The following RFX6 variants were observed in gnomAD, a reference collection of about 807,000 sequenced individuals.
The protein encoded by RFX6 is DNA-binding protein RFX6.
RFX6 carries 50 observed loss-of-function variants against 110.8 expected under a neutral mutation model. The ratio of observed to expected loss-of-function variants is 0.45; its 90% confidence interval spans 0.36 to 0.57. RFX6 has a LOEUF of 0.57. Ranked by LOEUF, RFX6 falls within the 20% of genes least tolerant of loss-of-function variation. The pLI, the probability that RFX6 is intolerant of heterozygous loss-of-function variation, is 0.00. For synonymous variants in RFX6, 383 were observed against 411.2 expected (o/e 0.93, Z 0.83); for missense variants, 990 against 1,127.0 (o/e 0.88, Z 1.74).
rs968356948 is a variant in RFX6, at chr6:116,925,339, G to A, written c.1679-114G>A. ...TTCCCATGGGAAACATTGCTTAGTA[G>A]TTTCCAGATTAAATACTCAACAATG... On this transcript the variant is annotated intron_variant, in intron 15 of 18. Transcript: ENST00000332958. 11 of 945,180 alleles carry A rather than the reference G, an allele frequency of 1.2e-5. No individual in the cohort carries two copies. In the Admixed American group the frequency reaches 1.9e-4, roughly 16 times the overall value. The allele number at this position is 945,180 out of a possible 1,614,324, so 58.5% of individuals were successfully genotyped here. A position where few individuals can be genotyped will look rare whatever the true frequency, so the allele number is the denominator to read the frequency against.
chr6:116,883,067 C>T (rs1774625484), intron 4 of RFX6, among the ~76,000 whole-genome samples: 1 of 152,086 alleles, frequency 6.6e-6, no homozygotes, highest in Non-Finnish European at 1.5e-5. Flanking sequence ...TTTCCTTCTG[C>T]CTATGAGCAT....
intron 12 of RFX6, among the ~76,000 whole-genome samples, chr6:116,921,633 C>T (rs1292312099): frequency 6.6e-6 from 1 of 151,550 alleles, no homozygotes; most frequent in African/African-American, 2.4e-5. Context: ...GCCTGGGCAA[C>T]ACAGCAAGAC....
chr6:116,928,887 A>G lies in RFX6; in HGVS notation c.2527A>G (p.Ile843Val), dbSNP rs1375609726. The G allele has an allele frequency of 6.2e-7, 1 of 1,613,766 alleles. No homozygotes were observed. Among genetic ancestry groups the G allele is most frequent in the Admixed American group, 1.7e-5 (1 of 60,016 alleles). ...CAGTGACATCCACGATCCACTTAACATTTTAGATGACAGTGGTAGAAAACA... is the reference window on the plus strand; with the variant it reads ...CAGTGACATCCACGATCCACTTAACGTTTTAGATGACAGTGGTAGAAAACA... ...PYSDIHDPLNILDDSGRKQTS... is the reference protein window; with the variant it reads ...PYSDIHDPLNVLDDSGRKQTS... Residue 843 changes from isoleucine to valine, a missense_variant, in exon 18 of 19, where the codon ATT becomes GTT. By Grantham distance (29) the Ile-to-Val change is conservative. Coordinates refer to ENST00000332958, the MANE Select transcript of RFX6 (RefSeq NM_173560.4).
rs775407823 is a variant in RFX6, at chr6:116,916,189, C to A, written c.859-12C>A. On this transcript the variant is annotated splice_polypyrimidine_tract_variant and intron_variant, in intron 8 of 18. Transcript: ENST00000332958. ...GAAAAAAATCTTAACATACTTTTTA[C>A]TCTGCAACTAGATCCAGCATTTTTT... 1.1e-5 allele frequency: 18 copies of A among 1,599,956 alleles called. No homozygotes were observed. In the Admixed American group the frequency reaches 2.8e-4, roughly 25 times the overall value.
At chr6:116,881,088 C>T (rs994269155) in intron 3 of RFX6, among the ~76,000 whole-genome samples, 1 of 152,016 alleles carries the variant, frequency 6.6e-6, no homozygotes. Flanking sequence ...TAAAATTTCT[C>T]CTAATTCTCC....
At chr6:116,896,119 T>C (rs1330656666) in intron 6 of RFX6, among the ~76,000 whole-genome samples, 1 of 152,218 alleles carries the variant, frequency 6.6e-6, no homozygotes, top group African/African-American at 2.4e-5. Context: ...AGATACACTT[T>C]GGTTGAGTAA....
Position 116,897,357 on chromosome 6 carries a change from C to A in RFX6, c.672+2150C>A, listed in dbSNP as rs193006772. Among the ~76,000 whole-genome samples the A allele has an allele frequency of 3.9e-5, 6 of 152,270 alleles. No individual in the cohort carries two copies. The East Asian group carries it at 1.2e-3, about 29-fold the overall frequency. ...CCATTACATTCCAGTAGCAGACCCC[C>A]ACCCCCTTGTCGTGACAACCAAAAA... On this transcript the variant is annotated intron_variant, in intron 6 of 18. Coordinates refer to ENST00000332958, the MANE Select transcript of RFX6 (RefSeq NM_173560.4).
At position 116,925,647 on chromosome 6, in the gene RFX6, A is replaced by T; in HGVS notation, c.1873A>T (p.Met625Leu). 3 of 1,612,602 alleles carry T rather than the reference A, an allele frequency of 1.9e-6. No individual in the cohort carries two copies. Among genetic ancestry groups the T allele is most frequent in the Non-Finnish European group, 2.5e-6 (3 of 1,178,658 alleles). Residue 625 changes from methionine (M) to leucine (L), a missense_variant, in exon 16 of 19, where the codon ATG becomes TTG. Coordinates refer to ENST00000332958, the MANE Select transcript of RFX6 (RefSeq NM_173560.4). ...HQFPAGNTDN[M>L]PLTGQMELSQ... Reference sequence around the variant, plus strand: ...GTTCCCTGCTGGGAACACAGACAACATGCCGCTCACAGGTACGCTAAAGAG... The same window carrying T: ...GTTCCCTGCTGGGAACACAGACAACTTGCCGCTCACAGGTACGCTAAAGAG...
chr6:116,924,607 CT>C, intron 14 of RFX6, 61 bp from the exon 15 acceptor site: 2 of 1,472,728 alleles, frequency 1.4e-6, no homozygotes, highest in Non-Finnish European at 1.9e-6. Flanking sequence ...CCCTTTCCTT[CT>C]CTTTCTCTCC....
Position 116,911,032 on chromosome 6 carries a change from C to A in RFX6, c.770C>A (p.Ser257Tyr). ...AQHLVYQGCI[S>Y]KDKVDTLIMM... ...CACCTTGTATACCAAGGATGCATTTCTAAGGACAAGGTATCAATTACAGAT... is the reference window on the plus strand; with the variant it reads ...CACCTTGTATACCAAGGATGCATTTATAAGGACAAGGTATCAATTACAGAT... Residue 257 changes from serine (S) to tyrosine (Y), a missense_variant, in exon 7 of 19, where the codon TCT (serine) becomes TAT (tyrosine). By Grantham distance (144) the Ser-to-Tyr change is moderately radical (BLOSUM62 -2). Around this residue, in one of 5 missense-constraint regions of RFX6, gnomAD observed 243 missense variants for 353.1 expected, o/e 0.69. Coordinates refer to ENST00000332958, the MANE Select transcript of RFX6 (RefSeq NM_173560.4). 6.2e-7 allele frequency: 1 copy of A among 1,601,098 alleles called. No individual in the cohort carries two copies. The highest frequency in any genetic ancestry group is 8.6e-7 in the Non-Finnish European group (1 of 1,168,208).
Position 116,922,159 on chromosome 6 carries a change from T to G in RFX6, c.1437+8T>G, listed in dbSNP as rs377555960. 5.0e-5 allele frequency: 60 copies of G among 1,189,746 alleles called. No homozygotes were observed. The highest frequency in any genetic ancestry group is 7.2e-5 in the Non-Finnish European group (57 of 793,636). The allele number at this position is 1,189,746 out of a possible 1,614,324, so 73.7% of individuals were successfully genotyped here. ...GAACAGAGAGTTATTAAGGTACTTTTTAATGACAGATTCAGAAAATAAGTT... is the reference window on the plus strand; with the variant it reads ...GAACAGAGAGTTATTAAGGTACTTTGTAATGACAGATTCAGAAAATAAGTT... On this transcript the variant is annotated splice_region_variant and intron_variant, in intron 13 of 18. Transcript: ENST00000332958.
At position 116,877,318 on chromosome 6, in the gene RFX6, C is replaced by A; in HGVS notation, c.43C>A (p.Gln15Lys). 2 of 1,612,884 alleles carry A rather than the reference C, an allele frequency of 1.2e-6. No individual in the cohort carries two copies. The highest frequency in any genetic ancestry group is 1.7e-6 in the Non-Finnish European group (2 of 1,179,624). ...PELEDTFLQA[Q>K]PAPQLSPGIQ... ...GCTGGAAGACACCTTCCTGCAGGCGCAGCCTGCGCCCCAACTGTCCCCGGG... is the reference window on the plus strand; with the variant it reads ...GCTGGAAGACACCTTCCTGCAGGCGAAGCCTGCGCCCCAACTGTCCCCGGG... The change falls in exon 1 of 19, where the codon CAG becomes AAG. Residue 15 changes from glutamine to lysine, a missense_variant. Gln to Lys is a moderately conservative substitution (Grantham distance 53, BLOSUM62 1). This residue lies in a region of RFX6 where 175 missense variants were observed against 162.3 expected (regional missense o/e 1.08). Transcript: ENST00000332958.
chr6:116,878,849 A>C (rs1426331771), intron 2 of RFX6, among the ~76,000 whole-genome samples: 1 of 151,710 alleles, frequency 6.6e-6, no homozygotes, highest in African/African-American at 2.4e-5. Flanking sequence ...TTAAATATTA[A>C]ATTACAATTT....
rs1207220153 is a variant in RFX6, at chr6:116,927,117, G to T, written c.1976G>T (p.Gly659Val). Residue 659 changes from glycine (G) to valine (V), a missense_variant, in exon 17 of 19, where the codon GGA becomes GTA. By Grantham distance (109) the Gly-to-Val change is moderately radical. This residue lies in a region of RFX6 where 438 missense variants were observed against 441.9 expected (regional missense o/e 0.99). Transcript: ENST00000332958. The stretch of plus-strand genomic sequence containing the variant: ...AGCCGAGGAAGTGTCATTAACCAAG[G>T]ACCAATGGCAGGGAGGCCCCCAAGT... ...MASRGSVINQ[G>V]PMAGRPPSVG... 6.2e-7 allele frequency: 1 copy of T among 1,614,110 alleles called. No homozygotes were observed. Among genetic ancestry groups the T allele is most frequent in the South Asian group, 1.1e-5 (1 of 91,074 alleles).
chr6:116,921,262 ATAGT>A (rs1275261562), intron 12 of RFX6, among the ~76,000 whole-genome samples: 1 of 152,224 alleles, frequency 6.6e-6, no homozygotes, highest in African/African-American at 2.4e-5. Flanking sequence ...TAATAAAAGG[ATAGT>A]CTTAAACTGC....
rs1204644328 is a variant in RFX6, at chr6:116,877,443, G to C, written c.168G>C (p.Glu56Asp). The change falls in exon 1 of 19, where the codon GAG becomes GAC. Residue 56 changes from glutamate to aspartate, a missense_variant. Glu to Asp is a conservative substitution (Grantham distance 45, BLOSUM62 2). Transcript: ENST00000332958. The stretch of plus-strand genomic sequence containing the variant: ...CGGCCGAAGGGCAGCCCGGGGGCGA[G>C]CAGGGCGGCGGGGAGAAAGGCGAAG... Reference protein sequence around the residue: ...YLAAEGQPGGEQGGGEKGEDP... With the variant: ...YLAAEGQPGGDQGGGEKGEDP... The C allele has an allele frequency of 6.3e-7, 1 of 1,584,588 alleles. No homozygotes were observed. The highest frequency in any genetic ancestry group is 2.3e-5 in the East Asian group (1 of 43,342).
At position 116,927,180 on chromosome 6, in the gene RFX6, C is replaced by A. The variant is rs146081967; in HGVS notation, c.2039C>A (p.Thr680Lys). The A allele has an allele frequency of 1.8e-3, 2,878 of 1,614,168 alleles. 8 individuals carry two copies. Among genetic ancestry groups the A allele is most frequent in the Non-Finnish European group, 2.3e-3 (2,733 of 1,180,008 alleles). ...PVLSAPSHCS[T>K]YPEPIYPTLP... ...CTGTCAGCTCCATCACACTGCTCCACATACCCAGAGCCCATTTATCCCACT... is the reference window on the plus strand; with the variant it reads ...CTGTCAGCTCCATCACACTGCTCCAAATACCCAGAGCCCATTTATCCCACT... Residue 680 changes from threonine (T) to lysine (K), a missense_variant, in exon 17 of 19, where the codon ACA becomes AAA. Thr to Lys is a moderately conservative substitution (Grantham distance 78). Around this residue, in one of 5 missense-constraint regions of RFX6, gnomAD observed 438 missense variants for 441.9 expected, o/e 0.99. Transcript: ENST00000332958.
At chr6:116,901,116 T>C (rs1248143026) in intron 6 of RFX6, among the ~76,000 whole-genome samples, 7 of 152,196 alleles carry the variant, frequency 4.6e-5, no homozygotes, top group Admixed American at 4.6e-4. Flanking sequence ...GATTTTGCCC[T>C]ACTGTAACCT....
intron 13 of RFX6, among the ~76,000 whole-genome samples, chr6:116,922,859 T>C (rs1389850063): frequency 2.0e-5 from 3 of 152,134 alleles, no homozygotes; most frequent in Non-Finnish European, 2.9e-5. Context: ...ATTTTGAAAA[T>C]TATTTCATTT....
Sources: gnomAD v4.1 joint callset for allele counts (sites outside exome capture counted in the v4.1 genomes callset) on GRCh38, gnomAD v4.1.1 for gene constraint, gnomAD v4.1.1 regional missense constraint, MANE v1.5 for transcripts, NCBI Gene and HGNC (gene_info 2026-07-23, HGNC 2026-07-21) for gene names.